Variants in EGFLAM observed in about 807,000 individuals in gnomAD.
EGFLAM encodes the protein pikachurin.
In EGFLAM, 79 loss-of-function variants were observed where a neutral mutation model predicts 113.1. The observed-to-expected ratio is 0.70, with a 90% CI of 0.58 to 0.84. EGFLAM has a LOEUF of 0.84. Among genes scored for constraint, EGFLAM ranks in the 40% least tolerant of loss-of-function variants. The pLI is 0.00. For synonymous variants in EGFLAM, 504 were observed against 487.6 expected, an observed-to-expected ratio of 1.03 and a Z score of -0.44; for missense variants, 1,265 against 1,291.6, an observed-to-expected ratio of 0.98 and a Z score of 0.32.
intron 1 of EGFLAM, among the ~76,000 whole-genome samples, chr5:38,335,488 A>C (rs1739159893): frequency 6.6e-6 from 1 of 151,974 alleles, no homozygotes; most frequent in Admixed American, 6.6e-5. Context: ...AATTCCCAGA[A>C]CTCGTCTCAT....
chr5:38,364,317 A>G (rs1044315103), intron 5 of EGFLAM, among the ~76,000 whole-genome samples: 5 of 152,198 alleles, frequency 3.3e-5, no homozygotes, highest in African/African-American at 4.8e-5. Flanking sequence ...GAGAAACATA[A>G]GCTTGATCTG....
chr5:38,288,206 A>G (rs1395054956), intron 1 of EGFLAM, among the ~76,000 whole-genome samples: 1 of 152,126 alleles, frequency 6.6e-6, no homozygotes, highest in East Asian at 1.9e-4. Flanking sequence ...CTGCAGATTT[A>G]AAAAAACTGT....
At chr5:38,411,989 G>A (rs1402457878) in intron 10 of EGFLAM, among the ~76,000 whole-genome samples, 2 of 151,060 alleles carry the variant, frequency 1.3e-5, no homozygotes, top group Admixed American at 6.6e-5. Flanking sequence ...TAGTAGAAAC[G>A]GGGTTTCACC....
chr5:38,444,648 AAATAT>A (rs1306485345), intron 17 of EGFLAM, among the ~76,000 whole-genome samples: 2 of 152,168 alleles, frequency 1.3e-5, no homozygotes, highest in African/African-American at 4.8e-5. Flanking sequence ...GGTTAGGTTA[AAATAT>A]AATCATGTTG....
intron 12 of EGFLAM, among the ~76,000 whole-genome samples, chr5:38,418,503 G>C (rs1741726923): frequency 6.6e-6 from 1 of 152,166 alleles, no homozygotes. Context: ...GTTCTGTCCT[G>C]CTAGCAATTT....
At chr5:38,439,055 A>G (rs1396587964) in intron 17 of EGFLAM, among the ~76,000 whole-genome samples, 1 of 152,248 alleles carries the variant, frequency 6.6e-6, no homozygotes, top group Non-Finnish European at 1.5e-5. Context: ...ACAGAGGGTT[A>G]TAGTATTGAC....
intron 1 of EGFLAM, among the ~76,000 whole-genome samples, chr5:38,308,260 C>G (rs1004925715): frequency 6.6e-6 from 1 of 152,232 alleles, no homozygotes; most frequent in Non-Finnish European, 1.5e-5. Flanking sequence ...TACTCTTGTC[C>G]CTTTTGTTAC....
chr5:38,299,544 C>A (rs1007835460), intron 1 of EGFLAM, among the ~76,000 whole-genome samples: 2 of 152,174 alleles, frequency 1.3e-5, no homozygotes, highest in African/African-American at 2.4e-5. Context: ...GGCTTAGCAC[C>A]ATTGCCTTGG....
At chr5:38,388,040 T>TA (rs1306279062) in intron 6 of EGFLAM, among the ~76,000 whole-genome samples, 2 of 152,212 alleles carry the variant, frequency 1.3e-5, no homozygotes, top group Non-Finnish European at 2.9e-5. Context: ...GAAGCCTGTC[T>TA]ACCAGAGCCA....
rs1743371682 is a variant in EGFLAM at position 38,463,822 on chromosome 5, T to G, written c.2876-10T>G. ...TTGGCTCACCTCATCTCCCTCTTGCTTCCTGGCAGGTGGAATGAAGGAAAT... is the reference window on the plus strand; with the variant it reads ...TTGGCTCACCTCATCTCCCTCTTGCGTCCTGGCAGGTGGAATGAAGGAAAT... On this transcript the variant is annotated splice_polypyrimidine_tract_variant and intron_variant, in intron 21 of 21. Transcript: ENST00000322350. 1 of 1,611,864 alleles carries G rather than the reference T, an allele frequency of 6.2e-7. No individual in the cohort carries two copies. The highest frequency in any genetic ancestry group is 8.5e-7 in the Non-Finnish European group (1 of 1,178,876).
At chr5:38,270,644 AATTT>A (rs57146696) in intron 1 of EGFLAM, among the ~76,000 whole-genome samples, 62,508 of 151,670 alleles carry the variant, frequency 0.41, 13,364 homozygotes, top group Middle Eastern at 0.56. Context: ...CTAGCTTTAA[AATTT>A]ATTTATTGCT....
At chr5:38,277,055 C>T (rs1757903022) in intron 1 of EGFLAM, among the ~76,000 whole-genome samples, 1 of 152,156 alleles carries the variant, frequency 6.6e-6, no homozygotes, top group Admixed American at 6.5e-5. Flanking sequence ...TACTTCCAAA[C>T]TCATTCTACA....
intron 1 of EGFLAM, among the ~76,000 whole-genome samples, chr5:38,268,093 T>C (rs989899401): frequency 6.6e-6 from 1 of 152,146 alleles, no homozygotes; most frequent in Non-Finnish European, 1.5e-5. Context: ...CCCGGCAAGA[T>C]GGTTTGTTGA....
intron 17 of EGFLAM, among the ~76,000 whole-genome samples, chr5:38,442,465 T>C (rs954569750): frequency 2.7e-5 from 4 of 149,858 alleles, no homozygotes; most frequent in Non-Finnish European, 4.4e-5. Context: ...ATATTAAAAA[T>C]AAGTCATTTC....
intron 3 of EGFLAM, among the ~76,000 whole-genome samples, chr5:38,343,029 C>T (rs752800393): frequency 3.3e-5 from 5 of 152,112 alleles, no homozygotes; most frequent in African/African-American, 9.7e-5. Flanking sequence ...AATCAGAAGA[C>T]GTGTTCCTGC....
rs530831875 is a variant in EGFLAM at position 38,301,613 on chromosome 5, T to C, written c.98-35907T>C. 1.1e-4 allele frequency among the ~76,000 whole-genome samples: 16 copies of C among 152,202 alleles called. No individual in the cohort carries two copies. In the East Asian group the frequency reaches 3.1e-3, roughly 29 times the overall value. ...GAAAAACAATAGTAGGTTTAAGTGA[T>C]GTATAGTTCAGGTTCTTTAAATAGC... is the stretch of plus-strand genomic sequence containing the variant. On this transcript the variant is annotated intron_variant, in intron 1 of 21. Transcript: ENST00000322350.
intron 18 of EGFLAM, among the ~76,000 whole-genome samples, chr5:38,450,239 G>A (rs905169529): frequency 3.9e-5 from 6 of 152,184 alleles, no homozygotes; most frequent in South Asian, 4.1e-4. Context: ...GAACCTGAGC[G>A]AAAATCTGGG....
chr5:38,330,873 G>A (rs1203810686), intron 1 of EGFLAM, among the ~76,000 whole-genome samples: 3 of 152,130 alleles, frequency 2.0e-5, no homozygotes, highest in Admixed American at 2.0e-4. Context: ...AATGTGGCCA[G>A]TACTGGATAA....
intron 1 of EGFLAM, among the ~76,000 whole-genome samples, chr5:38,308,843 C>T (rs1758794140): frequency 6.6e-6 from 1 of 152,164 alleles, no homozygotes; most frequent in Admixed American, 6.5e-5. Flanking sequence ...TTGCATATCA[C>T]CTACAAGGTT....
Sources: allele counts gnomAD v4.1 joint callset (sites outside exome capture counted in the v4.1 genomes callset), GRCh38; gene constraint gnomAD v4.1.1; transcripts MANE v1.5; gene names NCBI Gene and HGNC (gene_info 2026-07-23, HGNC 2026-07-21).